Variants in CHN1 observed in about 807,000 individuals in gnomAD.
The protein encoded by CHN1 is chimerin 1, also known as N-chimaerin.
A neutral mutation model predicts 59.5 loss-of-function variants in CHN1; 37 were observed. The observed-to-expected ratio is 0.62, with a 90% CI of 0.48 to 0.82. The LOEUF (loss-of-function observed/expected upper bound fraction) is 0.82. Ranked by LOEUF, CHN1 falls within the 40% of genes least tolerant of loss-of-function variation. The pLI, the probability that CHN1 is intolerant of heterozygous loss-of-function variation, is 0.00. For synonymous variants in CHN1, 206 were observed against 200.4 expected (o/e 1.03, Z -0.24); for missense variants, 469 against 571.0 (o/e 0.82, Z 1.82).
chr2:174,804,326 G>A (rs1280391128), intron 11 of CHN1, among the ~76,000 whole-genome samples: 1 of 152,222 alleles, frequency 6.6e-6, no homozygotes, highest in Non-Finnish European at 1.5e-5. Context: ...GGGGATATTA[G>A]CAGGTGTGGT....
At chr2:174,829,485 A>G (rs917346585) in intron 7 of CHN1, among the ~76,000 whole-genome samples, 18 of 152,382 alleles carry the variant, frequency 1.2e-4, no homozygotes, top group African/African-American at 3.6e-4. Flanking sequence ...TACAGCATTC[A>G]TATCTCCAGT....
intron 1 of CHN1, among the ~76,000 whole-genome samples, chr2:174,963,155 G>C (rs2105428704): frequency 6.6e-6 from 1 of 152,244 alleles, no homozygotes; most frequent in Admixed American, 6.5e-5. Flanking sequence ...ACCTTCTATG[G>C]GTGAGGGTGT....
At chr2:174,962,893 G>C (rs552448157) in intron 1 of CHN1, among the ~76,000 whole-genome samples, 4 of 152,178 alleles carry the variant, frequency 2.6e-5, no homozygotes, top group African/African-American at 7.2e-5. Flanking sequence ...CTGGGCAACA[G>C]AGCGAGACCC....
chr2:174,801,591 C>A (rs543380614), intron 12 of CHN1, 116 bp downstream of exon 12: 2 of 694,540 alleles, frequency 2.9e-6, no homozygotes, highest in South Asian at 3.7e-5. Context: ...GACAATATAG[C>A]TATGCATTTA....
intron 1 of CHN1, among the ~76,000 whole-genome samples, chr2:175,004,601 A>G (rs1691998554): frequency 6.6e-6 from 1 of 152,212 alleles, no homozygotes; most frequent in Admixed American, 6.5e-5. Context: ...TTCACTCCCA[A>G]GTTGGCATCT....
chr2:175,003,960 T>A (rs994753479), intron 1 of CHN1, among the ~76,000 whole-genome samples: 2 of 152,248 alleles, frequency 1.3e-5, no homozygotes, highest in African/African-American at 4.8e-5. Flanking sequence ...ACGTGTTTGA[T>A]CAAATGACAT....
At chr2:174,964,838 T>C (rs1019288967) in intron 1 of CHN1, among the ~76,000 whole-genome samples, 3 of 152,242 alleles carry the variant, frequency 2.0e-5, no homozygotes, top group Non-Finnish European at 2.9e-5. Context: ...TATTCTATCA[T>C]GTTTATGAAA....
At chr2:174,986,459 A>G (rs1316310696) in intron 1 of CHN1, among the ~76,000 whole-genome samples, 2 of 152,220 alleles carry the variant, frequency 1.3e-5, no homozygotes, top group Non-Finnish European at 2.9e-5. Flanking sequence ...TGTAAAGACG[A>G]AAACAAACAC....
chr2:174,839,685 C>A (rs925724469), intron 7 of CHN1, among the ~76,000 whole-genome samples: 3 of 151,724 alleles, frequency 2.0e-5, no homozygotes, highest in Non-Finnish European at 4.4e-5. Context: ...CTCACAGCAG[C>A]CTCGATTTCC....
chr2:174,861,777 T>C (rs1687076646), intron 6 of CHN1, among the ~76,000 whole-genome samples: 1 of 152,196 alleles, frequency 6.6e-6, no homozygotes, highest in Non-Finnish European at 1.5e-5. Flanking sequence ...TGAGAGAACA[T>C]GTGCCACCTG....
At chr2:174,818,746 T>C (rs915986500) in intron 8 of CHN1, among the ~76,000 whole-genome samples, 2 of 152,194 alleles carry the variant, frequency 1.3e-5, no homozygotes, top group Non-Finnish European at 2.9e-5. Flanking sequence ...TTTTATTCTA[T>C]ACTTTCTTAA....
At chr2:174,805,462 A>C (rs915453838) in intron 11 of CHN1, among the ~76,000 whole-genome samples, 11 of 152,270 alleles carry the variant, frequency 7.2e-5, no homozygotes, top group African/African-American at 2.4e-4. Flanking sequence ...AAGGAACATG[A>C]GCAAGAACTC....
At chr2:174,906,534 T>C (rs1157088712) in intron 5 of CHN1, among the ~76,000 whole-genome samples, 1 of 152,190 alleles carries the variant, frequency 6.6e-6, no homozygotes, top group Non-Finnish European at 1.5e-5. Context: ...GTCATAATTT[T>C]GTGAATGTAC....
intron 1 of CHN1, among the ~76,000 whole-genome samples, chr2:175,001,107 G>C (rs916426254): frequency 6.6e-6 from 1 of 152,094 alleles, no homozygotes; most frequent in Non-Finnish European, 1.5e-5. Flanking sequence ...TTTGACACCA[G>C]TACAAGAAGG....
intron 6 of CHN1, among the ~76,000 whole-genome samples, chr2:174,872,434 G>A (rs1687437449): frequency 6.6e-6 from 1 of 152,196 alleles, no homozygotes; most frequent in African/African-American, 2.4e-5. Flanking sequence ...TGGAGTGCAG[G>A]TTTAATAAAA....
chr2:174,816,925 A>G (rs1685288125), intron 8 of CHN1, among the ~76,000 whole-genome samples: 1 of 152,062 alleles, frequency 6.6e-6, no homozygotes, highest in South Asian at 2.1e-4. Context: ...GGCTCTTGGT[A>G]AAAAGCTATC....
intron 1 of CHN1, among the ~76,000 whole-genome samples, chr2:174,994,952 G>C (rs534005252): frequency 1.3e-5 from 2 of 152,228 alleles, no homozygotes; most frequent in African/African-American, 4.8e-5. Flanking sequence ...TTTCTAAGAG[G>C]CAGGTTTAAG....
intron 5 of CHN1, among the ~76,000 whole-genome samples, chr2:174,886,354 C>T (rs940261052): frequency 6.6e-6 from 1 of 152,008 alleles, no homozygotes; most frequent in Non-Finnish European, 1.5e-5. Flanking sequence ...CAGAAATATC[C>T]CAAAGACTAT....
At chr2:174,823,946 C>G (rs1333336475) in intron 8 of CHN1, among the ~76,000 whole-genome samples, 1 of 152,116 alleles carries the variant, frequency 6.6e-6, no homozygotes, top group Admixed American at 6.5e-5. Context: ...AATTTGGTAA[C>G]CATCTTTGAA....
Sources: allele counts gnomAD v4.1 joint callset (sites outside exome capture counted in the v4.1 genomes callset), GRCh38; gene constraint gnomAD v4.1.1; transcripts MANE v1.5; gene names NCBI Gene and HGNC (gene_info 2026-07-23, HGNC 2026-07-21).